Variants in TMTC2 observed in about 807,000 individuals in gnomAD.
The protein encoded by TMTC2 is transmembrane O-mannosyltransferase targeting cadherins 2, also known as protein O-mannosyl-transferase TMTC2.
TMTC2 carries 43 observed loss-of-function variants against 82.4 expected under a neutral mutation model. That is an observed-to-expected ratio of 0.52 (90% CI 0.41 to 0.67). The LOEUF (loss-of-function observed/expected upper bound fraction) is 0.67. TMTC2 is among the 30% of genes least tolerant of loss of function. The pLI is 0.00. For missense variants in TMTC2, 919 were observed against 1,012.4 expected (o/e 0.91, Z 1.25); for synonymous variants, 408 against 381.9 (o/e 1.07, Z -0.80).
chr12:82,834,150 A>G (rs1869899705), intron 1 of TMTC2, among the ~76,000 whole-genome samples: 1 of 152,208 alleles, frequency 6.6e-6, no homozygotes, highest in Non-Finnish European at 1.5e-5. Context: ...ACATATTAAC[A>G]ATAAGGAAGC....
chr12:83,055,028 C>T (rs1429717039), intron 10 of TMTC2, among the ~76,000 whole-genome samples: 3 of 152,052 alleles, frequency 2.0e-5, no homozygotes, highest in Non-Finnish European at 4.4e-5. Context: ...AGGAATAATT[C>T]CCAACCACCC....
intron 4 of TMTC2, among the ~76,000 whole-genome samples, chr12:82,960,169 T>C (rs995801047): frequency 6.6e-6 from 1 of 151,900 alleles, no homozygotes; most frequent in Admixed American, 6.6e-5. Context: ...AAAAAAACAA[T>C]AGGTGCTGGT....
intron 7 of TMTC2, among the ~76,000 whole-genome samples, chr12:82,983,247 A>C (rs1376488473): frequency 6.6e-6 from 1 of 152,058 alleles, no homozygotes; most frequent in Non-Finnish European, 1.5e-5. Flanking sequence ...GGTTACATGA[A>C]GTTCTTCAAA....
intron 1 of TMTC2, among the ~76,000 whole-genome samples, chr12:82,723,128 CA>C (rs1356395721): frequency 2.0e-5 from 3 of 152,176 alleles, no homozygotes; most frequent in Non-Finnish European, 4.4e-5. Flanking sequence ...AGTTGATCAT[CA>C]TTTGACTTAA....
At chr12:82,920,728 T>G (rs1875343077) in intron 3 of TMTC2, among the ~76,000 whole-genome samples, 1 of 152,186 alleles carries the variant, frequency 6.6e-6, no homozygotes, top group Non-Finnish European at 1.5e-5. Flanking sequence ...TATTTAGAAG[T>G]GTCTGTTTGC....
intron 7 of TMTC2, among the ~76,000 whole-genome samples, chr12:82,978,452 T>A (rs2137324367): frequency 6.6e-6 from 1 of 151,868 alleles, no homozygotes; most frequent in African/African-American, 2.4e-5. Flanking sequence ...TCTAAAATAC[T>A]ATTTTGGTAT....
chr12:82,899,027 C>G (rs745651725), intron 3 of TMTC2, among the ~76,000 whole-genome samples: 1 of 152,104 alleles, frequency 6.6e-6, no homozygotes, highest in Non-Finnish European at 1.5e-5. Context: ...AATGTTTGAT[C>G]ATTTCTTTAT....
At chr12:82,897,345 G>A (rs547422061) in intron 3 of TMTC2, among the ~76,000 whole-genome samples, 4 of 152,272 alleles carry the variant, frequency 2.6e-5, no homozygotes, top group Middle Eastern at 6.8e-3. Context: ...TCTCAGAATC[G>A]ATAGAGTAGA....
intron 11 of TMTC2, among the ~76,000 whole-genome samples, chr12:83,130,519 G>A (rs896264044): frequency 5.9e-5 from 9 of 152,160 alleles, no homozygotes; most frequent in South Asian, 2.1e-4. Flanking sequence ...TATATTTGCA[G>A]CATTATTTTT....
chr12:83,131,459 A>G (rs7298326), intron 11 of TMTC2, among the ~76,000 whole-genome samples: 44,609 of 152,066 alleles, frequency 0.29, 6,999 homozygotes, highest in African/African-American at 0.39. Flanking sequence ...ATTACGCATT[A>G]TTGAAAATTC....
chr12:82,708,183 T>C (rs1476263846), intron 1 of TMTC2, among the ~76,000 whole-genome samples: 1 of 152,188 alleles, frequency 6.6e-6, no homozygotes, highest in Non-Finnish European at 1.5e-5. Flanking sequence ...TATCTGGCCC[T>C]TAACCGAAAA....
chr12:82,692,233 C>T (rs1020544633), intron 1 of TMTC2, among the ~76,000 whole-genome samples: 2 of 152,144 alleles, frequency 1.3e-5, no homozygotes, highest in Non-Finnish European at 2.9e-5. Flanking sequence ...CACATACATG[C>T]ACGATTATTA....
At chr12:82,973,721 A>C (rs1378681832) in intron 7 of TMTC2, among the ~76,000 whole-genome samples, 1 of 152,210 alleles carries the variant, frequency 6.6e-6, no homozygotes, top group Non-Finnish European at 1.5e-5. Flanking sequence ...TATTTTGTTT[A>C]AAGTTTCAAT....
intron 11 of TMTC2, among the ~76,000 whole-genome samples, chr12:83,106,500 C>CAAA (rs769681273): frequency 7.2e-4 from 42 of 58,620 alleles, no homozygotes; most frequent in East Asian, 2.5e-3. Flanking sequence ...ACTCTGTCTC[C>CAAA]AAAAAAAAAA....
chr12:82,930,489 C>T lies in TMTC2; in HGVS notation c.1542C>T (p.Ser514=), dbSNP rs371467238. ...KSQSKISEAE[S]AYRNALYYRS... Reference sequence around the variant, plus strand: ...AGAGCAAAATTTCTGAAGCTGAAAGCGCCTATAGAAATGCTTTGTACTACC... The same window carrying T: ...AGAGCAAAATTTCTGAAGCTGAAAGTGCCTATAGAAATGCTTTGTACTACC... The change falls in exon 4 of 12, where the codon AGC becomes AGT. Residue 514 remains serine (S), a synonymous_variant. Transcript: ENST00000321196. The T allele has an allele frequency of 1.1e-5, 17 of 1,604,100 alleles. No homozygotes were observed. The highest frequency in any genetic ancestry group is 2.7e-5 in the African/African-American group (2 of 74,810).
intron 1 of TMTC2, among the ~76,000 whole-genome samples, chr12:82,817,775 C>T (rs1371572065): frequency 6.6e-6 from 1 of 152,110 alleles, no homozygotes; most frequent in East Asian, 1.9e-4. Context: ...ATTAGATGAC[C>T]TTGATAATTG....
At chr12:83,005,622 G>A (rs1880167055) in intron 8 of TMTC2, among the ~76,000 whole-genome samples, 1 of 152,132 alleles carries the variant, frequency 6.6e-6, no homozygotes, top group African/African-American at 2.4e-5. Context: ...CTGACCCTGG[G>A]GACTTGGGAC....
At chr12:83,080,387 G>A (rs555586193) in intron 11 of TMTC2, among the ~76,000 whole-genome samples, 3 of 151,076 alleles carry the variant, frequency 2.0e-5, no homozygotes, top group African/African-American at 7.3e-5. Context: ...CTCTCTCTCT[G>A]TGTGTGTGTG....
chr12:82,751,568 A>G (rs2136966547), intron 1 of TMTC2, among the ~76,000 whole-genome samples: 1 of 152,118 alleles, frequency 6.6e-6, no homozygotes, highest in Non-Finnish European at 1.5e-5. Context: ...TAAAATATAT[A>G]AAGTTATTTT....
Sources: allele counts gnomAD v4.1 joint callset (sites outside exome capture counted in the v4.1 genomes callset), GRCh38; gene constraint gnomAD v4.1.1; transcripts MANE v1.5; gene names NCBI Gene and HGNC (gene_info 2026-07-23, HGNC 2026-07-21).